The following TENM3 variants were observed in gnomAD, a reference collection of about 807,000 sequenced individuals.
TENM3 encodes teneurin transmembrane protein 3.
In TENM3, 63 loss-of-function variants were observed where a neutral mutation model predicts 255.1. The ratio of observed to expected loss-of-function variants is 0.25; its 90% CI spans 0.20 to 0.30. The LOEUF is 0.30. Ranked by LOEUF, TENM3 falls within the 10% of genes least tolerant of loss-of-function variation. The pLI is 1.00. For missense variants in TENM3, 2,929 were observed against 3,461.1 expected, an observed-to-expected ratio of 0.85 and a Z score of 3.86; for synonymous variants, 1,306 against 1,322.3, an observed-to-expected ratio of 0.99 and a Z score of 0.27.
the TENM3 span, among the ~76,000 whole-genome samples, chr4:181,541,616 G>C: frequency 6.6e-6 from 1 of 152,114 alleles, no homozygotes; most frequent in Non-Finnish European, 1.5e-5. Flanking sequence ...CAGCACAAGA[G>C]AGAAAGAACA....
the TENM3 span, among the ~76,000 whole-genome samples, chr4:181,993,113 A>G: frequency 6.6e-6 from 1 of 152,186 alleles, no homozygotes; most frequent in Non-Finnish European, 1.5e-5. Context: ...AAAACTGTCC[A>G]ATTTATATGA....
chr4:182,545,445 G>A (rs1244618627), intron 3 of TENM3, among the ~76,000 whole-genome samples: 2 of 151,762 alleles, frequency 1.3e-5, no homozygotes, highest in Non-Finnish European at 2.9e-5. Flanking sequence ...GTTGCCTCCT[G>A]CTTGGTTTCT....
the TENM3 span, among the ~76,000 whole-genome samples, chr4:181,478,403 C>T: frequency 0.35 from 52,640 of 151,960 alleles, 10,936 homozygotes; most frequent in Non-Finnish European, 0.44. Flanking sequence ...TGCTGCTACT[C>T]CTTGCTGCCT....
chr4:181,872,620 A>T, the TENM3 span, among the ~76,000 whole-genome samples: 1 of 152,118 alleles, frequency 6.6e-6, no homozygotes, highest in African/African-American at 2.4e-5. Context: ...TATCCTTTGA[A>T]TGTCTCTATG....
the TENM3 span, among the ~76,000 whole-genome samples, chr4:182,118,220 A>G: frequency 6.6e-6 from 1 of 152,054 alleles, no homozygotes; most frequent in African/African-American, 2.4e-5. Flanking sequence ...CAATCATGTC[A>G]TGCACGAACA....
the TENM3 span, among the ~76,000 whole-genome samples, chr4:182,009,638 A>G: frequency 6.6e-6 from 1 of 152,116 alleles, no homozygotes; most frequent in African/African-American, 2.4e-5. Flanking sequence ...CCCCTGCCCA[A>G]GGAGCTTAGG....
intron 22 of TENM3, among the ~76,000 whole-genome samples, chr4:182,761,039 A>G (rs373810050): frequency 1.8e-5 from 2 of 109,098 alleles, no homozygotes; most frequent in African/African-American, 3.0e-5. Flanking sequence ...ACTGACTCCT[A>G]TTATTTAAAC....
intron 3 of TENM3, among the ~76,000 whole-genome samples, chr4:182,497,663 A>G (rs1735904841): frequency 2.6e-5 from 4 of 152,178 alleles, no homozygotes; most frequent in African/African-American, 9.6e-5. Context: ...TAACTTTTTA[A>G]AAACAGGCAA....
At position 182,198,506 on chromosome 4, in the gene TENM3, G is replaced by T. The variant is rs538420905; in HGVS notation, c.-76+53752G>T. On this transcript the variant is annotated intron_variant, in intron 1 of 2. Transcript: ENST00000512480. ...TTCAGCCAACCCTTCCAGGTATTGG[G>T]GTGAACTGTGCAGCTTGCTGCGGAT... Among the ~76,000 whole-genome samples, 22 of 152,358 alleles carry T rather than the reference G, an allele frequency of 1.4e-4. No homozygotes were observed. The South Asian group carries it at 4.6e-3, about 32-fold the overall frequency.
intron 3 of TENM3, among the ~76,000 whole-genome samples, chr4:182,362,993 A>T (rs559801442): frequency 6.6e-6 from 1 of 152,336 alleles, no homozygotes; most frequent in African/African-American, 2.4e-5. Context: ...AGATTGATTG[A>T]AATCATAACC....
the TENM3 span, among the ~76,000 whole-genome samples, chr4:182,109,048 AC>A: frequency 2.0e-5 from 3 of 151,750 alleles, no homozygotes; most frequent in Non-Finnish European, 4.4e-5. Flanking sequence ...CCTCAATTCT[AC>A]CAAAAAACAT....
At chr4:181,804,099 G>A in the TENM3 span, among the ~76,000 whole-genome samples, 1 of 144,802 alleles carries the variant, frequency 6.9e-6, no homozygotes, top group African/African-American at 2.6e-5. Context: ...AAGGGAGGGA[G>A]GAAGGAAGGA....
chr4:182,097,892 T>C, the TENM3 span, among the ~76,000 whole-genome samples: 2 of 152,164 alleles, frequency 1.3e-5, no homozygotes, highest in African/African-American at 4.8e-5. Flanking sequence ...CATAACTTGC[T>C]TTAGTTTATG....
chr4:182,002,288 G>A, the TENM3 span, among the ~76,000 whole-genome samples: 1 of 152,082 alleles, frequency 6.6e-6, no homozygotes, highest in Non-Finnish European at 1.5e-5. Flanking sequence ...AGTCAGAGTT[G>A]ATGAAGACCA....
chr4:182,034,119 A>G, the TENM3 span, among the ~76,000 whole-genome samples: 15 of 152,314 alleles, frequency 9.8e-5, no homozygotes, highest in African/African-American at 3.4e-4. Context: ...CAATCATACA[A>G]GGGAACTTCC....
intron 22 of TENM3, among the ~76,000 whole-genome samples, chr4:182,758,024 T>C (rs1762860848): frequency 6.6e-6 from 1 of 152,210 alleles, no homozygotes; most frequent in Non-Finnish European, 1.5e-5. Flanking sequence ...CAAACCAGTG[T>C]TTAAAAATGA....
At chr4:182,701,847 T>C (rs558876838) in intron 12 of TENM3, among the ~76,000 whole-genome samples, 2 of 152,336 alleles carry the variant, frequency 1.3e-5, no homozygotes, top group South Asian at 4.1e-4. Context: ...TGGTGACATA[T>C]AAACTTACAC....
the TENM3 span, among the ~76,000 whole-genome samples, chr4:181,576,928 C>T: frequency 5.0e-5 from 7 of 140,694 alleles, no homozygotes; most frequent in East Asian, 1.4e-3. Context: ...ATTCTCCTGC[C>T]TCAGCCTCCC....
upstream of TENM3, among the ~76,000 whole-genome samples, chr4:182,238,985 T>TA (rs1042552298): frequency 2.6e-4 from 40 of 151,846 alleles, no homozygotes; most frequent in Admixed American, 2.4e-3. Context: ...GTTCTTTATA[T>TA]AAAAAATAAA....
Sources: allele counts gnomAD v4.1 joint callset (sites outside exome capture counted in the v4.1 genomes callset), GRCh38; gene constraint gnomAD v4.1.1; transcripts MANE v1.5; gene names NCBI Gene and HGNC (gene_info 2026-07-23, HGNC 2026-07-21).